EHMT2: variants seen among roughly 807,000 people sequenced by gnomAD.
EHMT2 encodes histone-lysine N-methyltransferase EHMT2.
In EHMT2, 59 loss-of-function variants were observed where a neutral mutation model predicts 143.3. The observed-to-expected ratio is 0.41, with a 90% confidence interval of 0.33 to 0.51. The LOEUF is 0.51. Among genes scored for constraint, EHMT2 ranks in the 20% least tolerant of loss-of-function variants. The pLI is 0.18. For missense variants in EHMT2, 1,174 were observed against 1,645.9 expected, an observed-to-expected ratio of 0.71 and a Z score of 4.96; for synonymous variants, 604 against 651.5, an observed-to-expected ratio of 0.93 and a Z score of 1.11.
At chr6:31,891,654 A>G (rs1404688979) in intron 7 of EHMT2, among the ~76,000 whole-genome samples, 5 of 152,210 alleles carry the variant, frequency 3.3e-5, no homozygotes, top group Non-Finnish European at 5.9e-5. Context: ...TAAAAGGCAA[A>G]ATCAGAGAGA....
chr6:31,890,603 C>T lies in EHMT2; in HGVS notation c.865-1001G>A, dbSNP rs190252433. 5.5e-4 allele frequency among the ~76,000 whole-genome samples: 82 copies of T among 149,910 alleles called. 2 individuals are homozygous for T. In the East Asian group the frequency reaches 0.016, roughly 30 times the overall value. ...AAATCAGGCCAGGTGTGGTGGCTCA[C>T]GCCTGTAATCCCAGCGCTTTGGGAG... On this transcript the variant is annotated intron_variant, in intron 7 of 27. Transcript: ENST00000375537.
rs202178575 is a variant in EHMT2, at chr6:31,886,914, G to A, written c.2119-17C>T. 2 of 1,613,918 alleles carry A rather than the reference G, an allele frequency of 1.2e-6. No individual in the cohort carries two copies. The highest frequency in any genetic ancestry group is 2.2e-5 in the East Asian group (1 of 44,890). ...GGCTCCAGCCTGTGAGGGGGCAGGA[G>A]GGCTGGCACCAGGGAGGCATGGGGC... On this transcript the variant is annotated splice_polypyrimidine_tract_variant and intron_variant, in intron 16 of 27. Coordinates refer to ENST00000375537, the Ensembl canonical transcript of EHMT2.
At position 31,880,571 on chromosome 6, in the gene EHMT2, C is replaced by T. The variant is rs1016716811; in HGVS notation, c.3452+102G>A. 9 of 1,279,608 alleles carry T rather than the reference C, an allele frequency of 7.0e-6. No homozygotes were observed. Among genetic ancestry groups the T allele is most frequent in the East Asian group, 2.3e-5 (1 of 42,672 alleles). 79.3% of individuals were successfully genotyped at this position (1,279,608 alleles called of 1,614,324 possible). ...ACACTGAAATCTGAGAAGCTCTGCA[C>T]TACTCCATGCCTGGACACCAGGTAC... On this transcript the variant is annotated intron_variant, in intron 27 of 27. Coordinates refer to ENST00000375537, the Ensembl canonical transcript of EHMT2. The surrounding 1 kb of genome is among the most constrained non-coding windows in gnomAD (Gnocchi z 6.6).
rs1330593248 is a variant in EHMT2 at position 31,896,830 on chromosome 6, G to C, written c.110-6C>G. The C allele has an allele frequency of 3.1e-6, 5 of 1,612,722 alleles. No homozygotes were observed. The highest frequency in any genetic ancestry group is 1.3e-5 in the African/African-American group (1 of 74,930). On this transcript the variant is annotated splice_polypyrimidine_tract_variant and splice_region_variant and intron_variant, in intron 2 of 27. Coordinates refer to ENST00000375537, the Ensembl canonical transcript of EHMT2. Reference sequence around the variant, plus strand: ...GTCCCCCAAAGAGCCATGAACTGTAGAGGAAGAGAAAAAGTTCAGAGCTAA... The same window carrying C: ...GTCCCCCAAAGAGCCATGAACTGTACAGGAAGAGAAAAAGTTCAGAGCTAA...
Position 31,888,531 on chromosome 6 carries a change from A to G in EHMT2, c.1366-25T>C, listed in dbSNP as rs746670810. The G allele has an allele frequency of 1.5e-5, 24 of 1,610,772 alleles. No individual in the cohort carries two copies. Among genetic ancestry groups the G allele is most frequent in the Admixed American group, 3.3e-5 (2 of 59,918 alleles). On this transcript the variant is annotated intron_variant, in intron 11 of 27. Coordinates refer to ENST00000375537, the Ensembl canonical transcript of EHMT2. The surrounding 1 kb of genome is among the most constrained non-coding windows in gnomAD (Gnocchi z 7.4). ...GCTGTGCGCAGTGAGGATGGGTGAG[A>G]AGAGAGCGTGAGGCTGGGGCCGGGG...
rs1242042202 is a variant in EHMT2, at chr6:31,892,388, C to A, written c.864+19G>T. The A allele has an allele frequency of 3.1e-6, 5 of 1,608,816 alleles. No homozygotes were observed. In the South Asian group the frequency reaches 5.5e-5, roughly 18 times the overall value. On this transcript the variant is annotated intron_variant, in intron 7 of 27. Coordinates refer to ENST00000375537, the Ensembl canonical transcript of EHMT2. ...CCTGGGGGAGCACCGGCGGGGAGGG[C>A]AGACCAGCTCTGTCTCACCTTGCTG... is the stretch of plus-strand genomic sequence containing the variant.
At chr6:31,886,889 G>C in exon 17 of EHMT2, 1 of 1,614,160 alleles carries the variant, frequency 6.2e-7, no homozygotes. Flanking sequence ...CATTTATGTT[G>C]GCTCCAGCCT....
In EHMT2 at chr6:31,880,543, T is replaced by G. The variant is rs1266847539; in HGVS notation, c.3452+130A>C. The stretch of plus-strand genomic sequence containing the variant: ...CCCCAAGTCCTCCAGGAAATACTTA[T>G]GTACACTGAAATCTGAGAAGCTCTG... On this transcript the variant is annotated intron_variant, in intron 27 of 27. Transcript: ENST00000375537. The surrounding 1 kb of genome is among the most constrained non-coding windows in gnomAD (Gnocchi z 6.6). The G allele has an allele frequency of 9.6e-7, 1 of 1,039,798 alleles. No individual in the cohort carries two copies. The highest frequency in any genetic ancestry group is 1.4e-6 in the Non-Finnish European group (1 of 719,824). The allele number at this position is 1,039,798 out of a possible 1,614,324, so 64.4% of individuals were successfully genotyped here.
intron 4 of EHMT2, chr6:31,893,167 A>G: frequency 1.9e-6 from 1 of 535,168 alleles, no homozygotes; most frequent in Non-Finnish European, 3.3e-6. Context: ...AAAGCTTAAT[A>G]AAGTTAAAAG....
chr6:31,888,592 G>A lies in EHMT2; in HGVS notation c.1365+7C>T. ...CTGGCACCTCTCCCACCAGCCCACG[G>A]CCCCACCTCTCCGTCCACACTCTCA... On this transcript the variant is annotated splice_region_variant and intron_variant, in intron 11 of 27. Coordinates refer to ENST00000375537, the Ensembl canonical transcript of EHMT2. The surrounding 1 kb of genome is among the most constrained non-coding windows in gnomAD (Gnocchi z 7.4). 6.2e-7 allele frequency: 1 copy of A among 1,611,856 alleles called. No homozygotes were observed. Among genetic ancestry groups the A allele is most frequent in the Non-Finnish European group, 8.5e-7 (1 of 1,179,644 alleles).
In EHMT2 at chr6:31,880,955, C is replaced by T. The variant is rs1764034095; in HGVS notation, c.3276+59G>A. On this transcript the variant is annotated intron_variant, in intron 26 of 27. Transcript: ENST00000375537. This position sits in a 1 kb window ranked among gnomAD's most constrained non-coding sequence, Gnocchi z 6.6. ...CCCAGGTTTCCATTTGCTGACTTCCCAGAGGCTCCTGAAAGCCAGCCCTGG... is the reference window on the plus strand; with the variant it reads ...CCCAGGTTTCCATTTGCTGACTTCCTAGAGGCTCCTGAAAGCCAGCCCTGG... 2 of 1,609,718 alleles carry T rather than the reference C, an allele frequency of 1.2e-6. No individual in the cohort carries two copies. Among genetic ancestry groups the T allele is most frequent in the Admixed American group, 1.7e-5 (1 of 60,004 alleles).
At position 31,889,613 on chromosome 6, in the gene EHMT2, G is replaced by A; in HGVS notation, c.865-11C>T. On this transcript the variant is annotated splice_polypyrimidine_tract_variant and intron_variant, in intron 7 of 27. Coordinates refer to ENST00000375537, the Ensembl canonical transcript of EHMT2. The surrounding 1 kb of genome is among the most constrained non-coding windows in gnomAD (Gnocchi z 5.1). ...AGCTTCAACTTCAGACTGGGAGAGA[G>A]GCAGAACAGACATATCCAACCCCCA... is the stretch of plus-strand genomic sequence containing the variant. 6.2e-7 allele frequency: 1 copy of A among 1,609,356 alleles called. No homozygotes were observed. The highest frequency in any genetic ancestry group is 8.5e-7 in the Non-Finnish European group (1 of 1,179,994).
intron 7 of EHMT2, among the ~76,000 whole-genome samples, chr6:31,890,822 G>A (rs375096349): frequency 1.3e-5 from 2 of 149,650 alleles, no homozygotes; most frequent in Non-Finnish European, 3.0e-5. Context: ...CCAAGATCAC[G>A]CCACTGCACT....
Position 31,883,722 on chromosome 6 carries a change from G to A in EHMT2, c.2916+84C>T. The stretch of plus-strand genomic sequence containing the variant: ...TTTCAGCCAACCCTTCCTTGGCCAG[G>A]TGCCTTTGCTGGTTTGAAGCTTGTC... On this transcript the variant is annotated intron_variant, in intron 22 of 27. Coordinates refer to ENST00000375537, the Ensembl canonical transcript of EHMT2. This position sits in a 1 kb window ranked among gnomAD's most constrained non-coding sequence, Gnocchi z 5.6. 1 of 1,550,994 alleles carries A rather than the reference G, an allele frequency of 6.4e-7. No homozygotes were observed. Among genetic ancestry groups the A allele is most frequent in the Non-Finnish European group, 8.8e-7 (1 of 1,138,930 alleles).
intron 7 of EHMT2, among the ~76,000 whole-genome samples, chr6:31,891,630 G>C (rs558123458): frequency 6.6e-6 from 1 of 152,208 alleles, no homozygotes; most frequent in African/African-American, 2.4e-5. Context: ...AAGTTTTCAT[G>C]ATAAAATGTT....
In EHMT2 at chr6:31,883,499, T is replaced by G; in HGVS notation, c.2917-60A>C. On this transcript the variant is annotated intron_variant, in intron 22 of 27. Coordinates refer to ENST00000375537, the Ensembl canonical transcript of EHMT2. This position sits in a 1 kb window ranked among gnomAD's most constrained non-coding sequence, Gnocchi z 5.6. ...TGATCGGTCTGGGCCCCTCTACTCTTGATGCCCCCTGACCCCCTAACCACT... is the reference window on the plus strand; with the variant it reads ...TGATCGGTCTGGGCCCCTCTACTCTGGATGCCCCCTGACCCCCTAACCACT... The G allele has an allele frequency of 6.6e-7, 1 of 1,516,780 alleles. No individual in the cohort carries two copies. The highest frequency in any genetic ancestry group is 9.0e-7 in the Non-Finnish European group (1 of 1,107,926). 94.0% of individuals were successfully genotyped at this position (1,516,780 alleles called of 1,614,324 possible).
In EHMT2 at chr6:31,889,793, T is replaced by G. The variant is rs564670499; in HGVS notation, c.865-191A>C. Among the ~76,000 whole-genome samples the G allele has an allele frequency of 1.9e-4, 29 of 152,208 alleles. No homozygotes were observed. The highest frequency in any genetic ancestry group is 7.0e-4 in the African/African-American group (29 of 41,526). On this transcript the variant is annotated intron_variant, in intron 7 of 27. Transcript: ENST00000375537. The surrounding 1 kb of genome is among the most constrained non-coding windows in gnomAD (Gnocchi z 5.1). Reference sequence around the variant, plus strand: ...GGAATATTACACAGCAGTGAAAAAGTTACAGACAGCAATGTGCACAGATCT... The same window carrying G: ...GGAATATTACACAGCAGTGAAAAAGGTACAGACAGCAATGTGCACAGATCT...
intron 7 of EHMT2, among the ~76,000 whole-genome samples, 186 bp downstream of exon 7, chr6:31,892,221 G>A (rs1263667398): frequency 1.3e-5 from 2 of 152,108 alleles, no homozygotes; most frequent in Admixed American, 6.5e-5. Flanking sequence ...CAGCCTGGGC[G>A]ACAGAATGAG....
At position 31,884,584 on chromosome 6, in the gene EHMT2, T is replaced by C. The variant is rs769617824; in HGVS notation, c.2604-25A>G. Reference sequence around the variant, plus strand: ...CCTGAAGAGGGGACAGGATGCCCAATGCAGGGTCTGAGGCTGCAAGAAGTG... The same window carrying C: ...CCTGAAGAGGGGACAGGATGCCCAACGCAGGGTCTGAGGCTGCAAGAAGTG... On this transcript the variant is annotated intron_variant, in intron 20 of 27. Transcript: ENST00000375537. This position sits in a 1 kb window ranked among gnomAD's most constrained non-coding sequence, Gnocchi z 7.3. 1.2e-6 allele frequency: 2 copies of C among 1,610,832 alleles called. No homozygotes were observed. The highest frequency in any genetic ancestry group is 8.5e-7 in the Non-Finnish European group (1 of 1,178,768).
Sources: allele counts gnomAD v4.1 joint callset (sites outside exome capture counted in the v4.1 genomes callset), GRCh38; gene constraint gnomAD v4.1.1; non-coding constraint Gnocchi (gnomAD v3.1); transcripts MANE v1.5; gene names NCBI Gene and HGNC (gene_info 2026-07-23, HGNC 2026-07-21).